Variants in BLVRA observed in about 807,000 individuals in gnomAD.
BLVRA encodes the protein biliverdin reductase A, also known as BVR A.
In BLVRA, 22 loss-of-function variants were observed where a neutral mutation model predicts 32.8. That is an observed-to-expected ratio of 0.67 (90% CI 0.48 to 0.96). The LOEUF is 0.96. Among genes scored for constraint, BLVRA ranks in the 40% least tolerant of loss-of-function variants. The probability of loss-of-function intolerance (pLI) is 0.00; values close to 1 mark genes in which losing one functional copy is unlikely to be tolerated. For synonymous variants in BLVRA, 119 were observed against 141.3 expected (o/e 0.84, Z 1.12); for missense variants, 323 against 358.1 (o/e 0.90, Z 0.79).
upstream of BLVRA, among the ~76,000 whole-genome samples, chr7:43,758,344 C>CGGGGCCAAGCACACCGTGAG (rs2095738295): frequency 8.0e-6 from 1 of 124,926 alleles, no homozygotes; most frequent in Admixed American, 7.9e-5. Context: ...CCCCCCACGC[C>CGGGGCCAAGCACACCGTGAG]GGGGCCAGGC....
At chr7:43,767,941 A>G (rs975204567) in intron 1 of BLVRA, among the ~76,000 whole-genome samples, 2 of 152,132 alleles carry the variant, frequency 1.3e-5, no homozygotes, top group African/African-American at 4.8e-5. Flanking sequence ...GGGGCTGGAG[A>G]AAGAAATAGG....
rs1163078850 is a variant in BLVRA, at chr7:43,787,043, C to T, written c.13-861C>T. Among the ~76,000 whole-genome samples, 2 of 152,098 alleles carry T rather than the reference C, an allele frequency of 1.3e-5. No homozygotes were observed. On this transcript the variant is annotated intron_variant, in intron 2 of 7. Transcript: ENST00000265523. This position sits in a 1 kb window ranked among gnomAD's most constrained non-coding sequence, Gnocchi z 4.5. The stretch of plus-strand genomic sequence containing the variant: ...GTTCAAGCAATTCTCCTGCCTCGGC[C>T]TCCTAAGTAGCTGGGATTACAGGCG...
chr7:43,799,535 CG>C (rs1221892768), intron 5 of BLVRA, among the ~76,000 whole-genome samples: 2 of 152,046 alleles, frequency 1.3e-5, no homozygotes, highest in African/African-American at 4.8e-5. Context: ...TGCACTGGTA[CG>C]ATCTTGGCTA....
At chr7:43,791,478 A>G (rs891459860) in intron 4 of BLVRA, 110 bp downstream of exon 4, 6 of 1,210,218 alleles carry the variant, frequency 5.0e-6, no homozygotes, top group Admixed American at 3.8e-5. Context: ...CAGTGAGAAA[A>G]TTACAATTGC....
intron 6 of BLVRA, among the ~76,000 whole-genome samples, chr7:43,802,368 T>C (rs996278585): frequency 6.6e-6 from 1 of 152,248 alleles, no homozygotes; most frequent in African/African-American, 2.4e-5. Flanking sequence ...AGAAATGTTT[T>C]GTTTATAATG....
At chr7:43,774,255 G>C (rs943522978) in intron 2 of BLVRA, among the ~76,000 whole-genome samples, 1 of 152,166 alleles carries the variant, frequency 6.6e-6, no homozygotes, top group African/African-American at 2.4e-5. Flanking sequence ...TTTTCTTCTA[G>C]GGTTTTATGG....
chr7:43,792,657 C>T, intron 4 of BLVRA, 58 bp from the exon 5 acceptor site: 2 of 1,457,484 alleles, frequency 1.4e-6, no homozygotes, highest in South Asian at 1.2e-5. Flanking sequence ...TTATGCAGAG[C>T]ATTTCAGTGA....
chr7:43,768,930 G>T (rs6966862), intron 1 of BLVRA, among the ~76,000 whole-genome samples: 132 of 147,722 alleles, frequency 8.9e-4, no homozygotes, highest in African/African-American at 3.1e-3. Flanking sequence ...ATCCTTCTGA[G>T]ATTTTTTTTT....
intron 7 of BLVRA, among the ~76,000 whole-genome samples, chr7:43,804,177 C>G (rs1327649112): frequency 6.6e-6 from 1 of 152,228 alleles, no homozygotes; most frequent in Non-Finnish European, 1.5e-5. Flanking sequence ...CGTGGTGGCT[C>G]AGGCCTATAA....
At chr7:43,758,341 C>A (rs956570912), upstream of BLVRA, among the ~76,000 whole-genome samples, 21 of 110,332 alleles carry the variant, frequency 1.9e-4, no homozygotes, top group African/African-American at 5.8e-4. Context: ...GCCCCCCCCA[C>A]GCCGGGGCCA....
chr7:43,789,065 C>T (rs1398159817), intron 3 of BLVRA, among the ~76,000 whole-genome samples: 1 of 152,038 alleles, frequency 6.6e-6, no homozygotes, highest in Non-Finnish European at 1.5e-5. Flanking sequence ...GCACCACTCA[C>T]CAGACTAATC....
chr7:43,805,279 TCTC>T (rs1300505181), intron 7 of BLVRA, among the ~76,000 whole-genome samples: 5 of 106,932 alleles, frequency 4.7e-5, no homozygotes, highest in Non-Finnish European at 5.7e-5. Flanking sequence ...TGACTCTCTC[TCTC>T]TTTTTTTTTT....
intron 5 of BLVRA, among the ~76,000 whole-genome samples, chr7:43,799,033 T>C (rs1318981056): frequency 2.0e-5 from 3 of 152,198 alleles, no homozygotes; most frequent in East Asian, 1.9e-4. Flanking sequence ...CTTGTACTTA[T>C]TGCAAAGCAT....
chr7:43,805,980 T>C (rs968499019), intron 7 of BLVRA, among the ~76,000 whole-genome samples: 13 of 152,360 alleles, frequency 8.5e-5, no homozygotes, highest in Non-Finnish European at 1.9e-4. Context: ...ATCTTGACAT[T>C]CTGCATTCCC....
In BLVRA at chr7:43,764,776, G is replaced by A. The variant is rs143209641; in HGVS notation, c.-22+6042G>A. ...ACCGAAAGAGAACCCCCCACCCCCC[G>A]CAAAAAAAAGAAGTAAAGTGGGTTA... On this transcript the variant is annotated intron_variant, in intron 1 of 7. Transcript: ENST00000265523. 9.0e-5 allele frequency among the ~76,000 whole-genome samples: 13 copies of A among 144,598 alleles called. No individual in the cohort carries two copies. In the East Asian group the frequency reaches 1.6e-3, roughly 18 times the overall value. The allele number at this position is 144,598 out of a possible 152,430, so 94.9% of individuals were successfully genotyped here.
intron 4 of BLVRA, 40 bp from the exon 5 acceptor site, chr7:43,792,675 T>G (rs2095787426): frequency 6.4e-7 from 1 of 1,551,788 alleles, no homozygotes; most frequent in African/African-American, 1.4e-5. Context: ...TGAAGCTTAT[T>G]CGAAGTGTTC....
At chr7:43,790,440 CACAA>C (rs1466301709) in intron 3 of BLVRA, among the ~76,000 whole-genome samples, 4 of 152,038 alleles carry the variant, frequency 2.6e-5, no homozygotes, top group Non-Finnish European at 5.9e-5. Context: ...CACACACACA[CACAA>C]ACACACACAC....
intron 2 of BLVRA, among the ~76,000 whole-genome samples, chr7:43,783,670 C>A (rs1276804753): frequency 1.3e-5 from 2 of 152,100 alleles, no homozygotes; most frequent in Non-Finnish European, 2.9e-5. Context: ...GTTGGATTTA[C>A]CAGAACAAAG....
At chr7:43,771,071 G>A in intron 1 of BLVRA, 67 bp from the exon 2 acceptor site, 1 of 1,381,378 alleles carries the variant, frequency 7.2e-7, no homozygotes, top group South Asian at 1.2e-5. Flanking sequence ...GGTGGCAAAG[G>A]GGAATGTTTG....
Sources: allele counts gnomAD v4.1 joint callset (sites outside exome capture counted in the v4.1 genomes callset), GRCh38; gene constraint gnomAD v4.1.1; non-coding constraint Gnocchi (gnomAD v3.1); transcripts MANE v1.5; gene names NCBI Gene and HGNC (gene_info 2026-07-23, HGNC 2026-07-21).